Variants in ZNF211 observed in about 807,000 individuals in gnomAD.
ZNF211 encodes zinc finger protein 211.
A neutral mutation model predicts 12.1 loss-of-function variants in ZNF211; 18 were observed. The ratio of observed to expected loss-of-function variants is 1.48; its 90% CI spans 1.03 to 2.20. ZNF211 has a LOEUF of 2.20. Ranked by LOEUF, ZNF211 falls within the 30% of genes most tolerant of loss-of-function variation. ZNF211 has a pLI of 0.00. For synonymous variants in ZNF211, 249 were observed against 246.0 expected (o/e 1.01, Z -0.11); for missense variants, 677 against 703.1 (o/e 0.96, Z 0.42).
At chr19:57,638,251 ATTT>A (rs59597056) in intron 3 of ZNF211, among the ~76,000 whole-genome samples, 6,319 of 150,160 alleles carry the variant, frequency 0.042, 166 homozygotes, top group East Asian at 0.08. Context: ...GGTTTTGTTG[ATTT>A]TTTTTTTATA....
intron 3 of ZNF211, chr19:57,634,996 C>G: frequency 5.1e-6 from 5 of 981,768 alleles, no homozygotes; most frequent in Non-Finnish European, 6.0e-6. Context: ...CCTGACTTGC[C>G]TTCTCCCTGT....
At chr19:57,633,603 G>A (rs1981725663) in intron 1 of ZNF211, 167 bp downstream of exon 1, 2 of 1,528,218 alleles carry the variant, frequency 1.3e-6, no homozygotes, top group African/African-American at 2.8e-5. Context: ...GGACAGGACC[G>A]GCGCGTGCAG....
At chr19:57,633,674 A>G (rs1219395126) in intron 1 of ZNF211, 1 of 1,534,264 alleles carries the variant, frequency 6.5e-7, no homozygotes, top group African/African-American at 1.4e-5. Context: ...TTGTTACTGC[A>G]GGGAACAAAG....
chr19:57,639,857 TGCCG>T, intron 3 of ZNF211: 2 of 1,452,030 alleles, frequency 1.4e-6, no homozygotes, highest in Admixed American at 2.6e-5. Context: ...TTCTTTTTTG[TGCCG>T]TGTTGTTCTG....
At chr19:57,635,925 C>G (rs546451235) in intron 3 of ZNF211, among the ~76,000 whole-genome samples, 1 of 152,140 alleles carries the variant, frequency 6.6e-6, no homozygotes. Flanking sequence ...GATAAGTCAT[C>G]CAAATTGGTG....
At chr19:57,637,874 G>T (rs1568639971) in intron 3 of ZNF211, among the ~76,000 whole-genome samples, 1 of 151,562 alleles carries the variant, frequency 6.6e-6, no homozygotes, top group Non-Finnish European at 1.5e-5. Context: ...ATCAAGTCAA[G>T]GGCTTTTCTT....
rs1433994387 is a variant in ZNF211, at chr19:57,643,481, A to G, written c.*1300A>G. 6.6e-6 allele frequency among the ~76,000 whole-genome samples: 1 copy of G among 152,148 alleles called. No homozygotes were observed. Among genetic ancestry groups the G allele is most frequent in the African/African-American group, 2.4e-5 (1 of 41,430 alleles). On this transcript the variant is annotated 3_prime_UTR_variant, in exon 4 of 4. Coordinates refer to ENST00000240731, the MANE Select transcript of ZNF211 (RefSeq NM_006385.5). The stretch of plus-strand genomic sequence containing the variant: ...GAACATTGCTGCATAGGCCAGGAAA[A>G]CAAGCATAGAAAGAAGGGGCGGGGG...
intron 3 of ZNF211, among the ~76,000 whole-genome samples, chr19:57,637,509 C>A (rs1335561369): frequency 6.6e-6 from 1 of 152,144 alleles, no homozygotes; most frequent in African/African-American, 2.4e-5. Flanking sequence ...CCTGCCTCAG[C>A]CTACCAAGTA....
rs965411062 is a variant in ZNF211, at chr19:57,634,140, G to C, written c.129+79G>C. ...CCAGACAGATATTTTCTTTAGATTT[G>C]TGGTGTCATGGGACTCACCTACCAT... On this transcript the variant is annotated intron_variant, in intron 2 of 3. Transcript: ENST00000240731. 3.4e-6 allele frequency: 5 copies of C among 1,452,164 alleles called. No individual in the cohort carries two copies. In the Admixed American group the frequency reaches 9.4e-5, roughly 27 times the overall value. 90.0% of individuals were successfully genotyped at this position (1,452,164 alleles called of 1,614,324 possible). A position where few individuals can be genotyped will look rare whatever the true frequency, so the allele number is the denominator to read the frequency against.
intron 3 of ZNF211, chr19:57,640,036 T>G (rs770902590): frequency 2.3e-5 from 36 of 1,535,992 alleles, no homozygotes; most frequent in Middle Eastern, 3.3e-4. Context: ...CTGGCCTACA[T>G]GAATGGCACT....
chr19:57,633,264 C>G lies in ZNF211; in HGVS notation c.-83C>G. The G allele has an allele frequency of 7.6e-7, 1 of 1,307,242 alleles. No homozygotes were observed. Among genetic ancestry groups the G allele is most frequent in the East Asian group, 2.7e-5 (1 of 37,072 alleles). 81.0% of individuals were successfully genotyped at this position (1,307,242 alleles called of 1,614,324 possible). ...CCGCTTTGGTACGCTGCATCGGGAT[C>G]GAAGTGACGGACCGTGAAGGCGCGA... On this transcript the variant is annotated 5_prime_UTR_variant, in exon 1 of 4. It adds an upstream start codon to the 5' untranslated region. Transcript: ENST00000240731.
chr19:57,641,851 T>C lies in ZNF211; in HGVS notation c.1404T>C (p.Cys468=). The change falls in exon 4 of 4, where the codon TGT becomes TGC. Residue 468 remains cysteine, a synonymous_variant. Coordinates refer to ENST00000240731, the MANE Select transcript of ZNF211 (RefSeq NM_006385.5). ...ACACAGGGGAAAGGCCTTATGTGTG[T>C]GGGGAATGTGGGAAATCCTTTAGCC... The part of the protein sequence containing the change: ...KVHTGERPYV[C]GECGKSFSHS... The C allele has an allele frequency of 6.2e-7, 1 of 1,613,812 alleles. No homozygotes were observed.
intron 3 of ZNF211, among the ~76,000 whole-genome samples, chr19:57,636,728 T>G (rs1454418030): frequency 6.6e-6 from 1 of 152,218 alleles, no homozygotes; most frequent in Non-Finnish European, 1.5e-5. Flanking sequence ...TAGGATGGAT[T>G]TTTTTATTTC....
chr19:57,638,561 T>C (rs1178890953), intron 3 of ZNF211, among the ~76,000 whole-genome samples: 1 of 152,200 alleles, frequency 6.6e-6, no homozygotes, highest in Non-Finnish European at 1.5e-5. Flanking sequence ...TATTAAGAGT[T>C]CCCAACCTCA....
At chr19:57,638,313 T>A (rs117247966) in intron 3 of ZNF211, among the ~76,000 whole-genome samples, 6,353 of 152,206 alleles carry the variant, frequency 0.042, 168 homozygotes, top group East Asian at 0.078. Context: ...GTCTTTATTA[T>A]TTTTTTCCTG....
chr19:57,637,155 C>T (rs543149789), intron 3 of ZNF211, among the ~76,000 whole-genome samples: 2 of 152,118 alleles, frequency 1.3e-5, no homozygotes, highest in East Asian at 3.9e-4. Flanking sequence ...CCTCCTTTCC[C>T]ATTTTGGTCC....
chr19:57,634,422 C>G (rs1981877421), intron 2 of ZNF211: 1 of 559,178 alleles, frequency 1.8e-6, no homozygotes, highest in African/African-American at 1.9e-5. Flanking sequence ...GGAGATTTAT[C>G]TAACCCAAGT....
At chr19:57,634,092 T>G (rs1981825845) in intron 2 of ZNF211, 31 bp downstream of exon 2, 2 of 1,538,378 alleles carry the variant, frequency 1.3e-6, no homozygotes, top group East Asian at 4.5e-5. Context: ...CCCTCACTGG[T>G]CTGGAATGTC....
At chr19:57,638,677 T>C (rs763421327) in intron 3 of ZNF211, among the ~76,000 whole-genome samples, 4 of 152,242 alleles carry the variant, frequency 2.6e-5, no homozygotes, top group Non-Finnish European at 5.9e-5. Context: ...ATGAGGGGAA[T>C]GTACATTCTG....
Sources: allele counts gnomAD v4.1 joint callset (sites outside exome capture counted in the v4.1 genomes callset), GRCh38; gene constraint gnomAD v4.1.1; transcripts MANE v1.5; gene names NCBI Gene and HGNC (gene_info 2026-07-23, HGNC 2026-07-21).